The following KCNA4 variants were observed in gnomAD, a reference collection of about 807,000 sequenced individuals.
KCNA4 encodes cardiac potassium channel.
KCNA4 carries 5 observed loss-of-function variants against 37.2 expected under a neutral mutation model. The observed-to-expected ratio is 0.13, with a 90% CI of 0.07 to 0.28. The LOEUF (loss-of-function observed/expected upper bound fraction) is 0.28. Ranked by LOEUF, KCNA4 falls within the 10% of genes least tolerant of loss-of-function variation. The pLI is 1.00. For synonymous variants in KCNA4, 350 were observed against 311.8 expected, an observed-to-expected ratio of 1.12 and a Z score of -1.29; for missense variants, 634 against 817.4, an observed-to-expected ratio of 0.78 and a Z score of 2.74.
chr11:30,013,281 A>G lies in KCNA4; in HGVS notation c.-603T>C, dbSNP rs1276575136. 1 of 167,136 alleles carries G rather than the reference A, an allele frequency of 6.0e-6. No homozygotes were observed. The highest frequency in any genetic ancestry group is 1.5e-5 in the Non-Finnish European group (1 of 68,172). 10.4% of individuals were successfully genotyped at this position (167,136 alleles called of 1,614,324 possible). A position where few individuals can be genotyped will look rare whatever the true frequency, so the allele number is the denominator to read the frequency against. On this transcript the variant is annotated 5_prime_UTR_variant, in exon 2 of 2. The change abolishes an upstream ATG in the 5' untranslated region. Transcript: ENST00000328224. Reference sequence around the variant, plus strand: ...TTCTCCAGGCTCTCCTTTTAAGTTCATCAAAGGCTTCCTGTACCCAGGTAC... The same window carrying G: ...TTCTCCAGGCTCTCCTTTTAAGTTCGTCAAAGGCTTCCTGTACCCAGGTAC...
Position 30,010,743 on chromosome 11 carries a change from C to T in KCNA4, c.1936G>A (p.Ala646Thr). The change falls in exon 2 of 2, where the codon GCA becomes ACA. Residue 646 changes from alanine (A) to threonine (T), a missense_variant. Ala to Thr is a moderately conservative substitution (Grantham distance 58). This residue lies in a region of KCNA4 where 91 missense variants were observed against 95.8 expected (regional missense o/e 0.95). Transcript: ENST00000328224. ...CACACATCAGTCTCCACAGCCTTTGCATTAGAACAGTTGTTTTTATCTGTC... is the reference window on the plus strand; with the variant it reads ...CACACATCAGTCTCCACAGCCTTTGTATTAGAACAGTTGTTTTTATCTGTC... ...SETDKNNCSN[A>T]KAVETDV 6.2e-7 allele frequency: 1 copy of T among 1,611,246 alleles called. No homozygotes were observed. Among genetic ancestry groups the T allele is most frequent in the South Asian group, 1.1e-5 (1 of 90,414 alleles).
At position 30,010,685 on chromosome 11, in the gene KCNA4, T is replaced by C. The variant is rs761914601; in HGVS notation, c.*32A>G. 2 of 1,561,966 alleles carry C rather than the reference T, an allele frequency of 1.3e-6. No homozygotes were observed. The highest frequency in any genetic ancestry group is 1.7e-6 in the Non-Finnish European group (2 of 1,158,176). On this transcript the variant is annotated 3_prime_UTR_variant, in exon 2 of 2. Coordinates refer to ENST00000328224, the MANE Select transcript of KCNA4 (RefSeq NM_002233.4). ...TATGCATAAATATATTTGGAGATGC[T>C]GAGGGGGGAGCAGTGGCAGGTGGAA... is the stretch of plus-strand genomic sequence containing the variant.
Position 30,010,604 on chromosome 11 carries a change from T to C in KCNA4, c.*113A>G. On this transcript the variant is annotated 3_prime_UTR_variant, in exon 2 of 2. Coordinates refer to ENST00000328224, the MANE Select transcript of KCNA4 (RefSeq NM_002233.4). ...TATGCCATGTATAACCATTAAATAG[T>C]GTACTACTGTATGCATTGGATCATT... is the stretch of plus-strand genomic sequence containing the variant. 9 of 1,431,238 alleles carry C rather than the reference T, an allele frequency of 6.3e-6. No homozygotes were observed. The highest frequency in any genetic ancestry group is 8.4e-6 in the Non-Finnish European group (9 of 1,072,384). The allele number at this position is 1,431,238 out of a possible 1,614,324, so 88.7% of individuals were successfully genotyped here.
chr11:30,011,542 A>G lies in KCNA4; in HGVS notation c.1137T>C (p.Ile379=), dbSNP rs757167358. The G allele has an allele frequency of 1.2e-6, 2 of 1,614,154 alleles. No homozygotes were observed. Among genetic ancestry groups the G allele is most frequent in the East Asian group, 2.2e-5 (1 of 44,862 alleles). The change falls in exon 2 of 2, where the codon ATT becomes ATC. Residue 379 remains isoleucine (I), a synonymous_variant. Coordinates refer to ENST00000328224, the MANE Select transcript of KCNA4 (RefSeq NM_002233.4). The surrounding 1 kb of genome is among the most constrained non-coding windows in gnomAD (Gnocchi z 5.6). ...CCACAAACTCAAAGGAAAACCATAC[A>G]ATACAGACTGTTTCCACGATGAAGA... ...DPFFIVETVC[I]VWFSFEFVVR... is the part of the protein sequence containing the mutation.
At chr11:30,015,774 A>G (rs903492398) in intron 1 of KCNA4, among the ~76,000 whole-genome samples, 2 of 152,158 alleles carry the variant, frequency 1.3e-5, no homozygotes, top group Non-Finnish European at 1.5e-5. Flanking sequence ...ATTCAAGCCA[A>G]TTCCCAGGAG....
At position 30,011,541 on chromosome 11, in the gene KCNA4, C is replaced by A. The variant is rs1850303197; in HGVS notation, c.1138G>T (p.Val380Leu). ...ACCACAAACTCAAAGGAAAACCATA[C>A]AATACAGACTGTTTCCACGATGAAG... Reference protein sequence around the residue: ...PFFIVETVCIVWFSFEFVVRC... With the variant: ...PFFIVETVCILWFSFEFVVRC... Residue 380 changes from valine to leucine, a missense_variant, in exon 2 of 2, where the codon GTA becomes TTA. Val to Leu is a conservative substitution (Grantham distance 32). Coordinates refer to ENST00000328224, the MANE Select transcript of KCNA4 (RefSeq NM_002233.4). The surrounding 1 kb of genome is among the most constrained non-coding windows in gnomAD (Gnocchi z 5.6). The A allele has an allele frequency of 6.2e-7, 1 of 1,614,024 alleles. No homozygotes were observed. The highest frequency in any genetic ancestry group is 1.7e-5 in the Admixed American group (1 of 60,002).
Position 30,016,731 on chromosome 11 carries a change from A to C in KCNA4, c.-942T>G, listed in dbSNP as rs1206723734. On this transcript the variant is annotated 5_prime_UTR_variant, in exon 1 of 2. The change creates a new upstream start codon in the 5' untranslated region. Coordinates refer to ENST00000328224, the MANE Select transcript of KCNA4 (RefSeq NM_002233.4). The stretch of plus-strand genomic sequence containing the variant: ...TCGGGTTTGGCAGGTGGAGGCTCCA[A>C]ATATCCACGGAACAAGTTCTGTTGC... 3 of 352,664 alleles carry C rather than the reference A, an allele frequency of 8.5e-6. No homozygotes were observed. The highest frequency in any genetic ancestry group is 2.1e-5 in the African/African-American group (1 of 47,048). The allele number at this position is 352,664 out of a possible 1,614,324, so 21.8% of individuals were successfully genotyped here. A position where few individuals can be genotyped will look rare whatever the true frequency, so the allele number is the denominator to read the frequency against.
chr11:30,012,817 C>T lies in KCNA4; in HGVS notation c.-139G>A. 1.5e-6 allele frequency: 2 copies of T among 1,296,796 alleles called. No homozygotes were observed. The highest frequency in any genetic ancestry group is 1.0e-6 in the Non-Finnish European group (1 of 971,452). 80.3% of individuals were successfully genotyped at this position (1,296,796 alleles called of 1,614,324 possible). A position where few individuals can be genotyped will look rare whatever the true frequency, so the allele number is the denominator to read the frequency against. ...TTGGAAGACTAAGGATATTTTCAGT[C>T]CAACTTTGCATTTTCTGTTTTTAAA... On this transcript the variant is annotated 5_prime_UTR_variant, in exon 2 of 2. It introduces an in-frame stop codon into an upstream open reading frame of the 5' UTR. Transcript: ENST00000328224.
At position 30,011,959 on chromosome 11, in the gene KCNA4, G is replaced by A. The variant is rs915875386; in HGVS notation, c.720C>T (p.Arg240=). Residue 240 remains arginine (R), a synonymous_variant, in exon 2 of 2, where the codon CGC becomes CGT. Coordinates refer to ENST00000328224, the MANE Select transcript of KCNA4 (RefSeq NM_002233.4). The surrounding 1 kb of genome is among the most constrained non-coding windows in gnomAD (Gnocchi z 5.6). The part of the protein sequence containing the change: ...AILYYYQSGG[R]LKRPVNVPFD... ...AGGGGACATTGACTGGCCTCTTCAG[G>A]CGGCCTCCTGATTGATAATAATACA... The A allele has an allele frequency of 1.9e-6, 3 of 1,614,060 alleles. No homozygotes were observed. In the Admixed American group the frequency reaches 5.0e-5, roughly 27 times the overall value.
chr11:30,010,478 C>T lies in KCNA4; in HGVS notation c.*239G>A, dbSNP rs1590488817. On this transcript the variant is annotated 3_prime_UTR_variant, in exon 2 of 2. Transcript: ENST00000328224. ...TCTTTTCCAGTTAATGTGCAAAATT[C>T]TTGCATTCTAATAAAAATATAAAGA... 1 of 595,256 alleles carries T rather than the reference C, an allele frequency of 1.7e-6. No individual in the cohort carries two copies. Among genetic ancestry groups the T allele is most frequent in the East Asian group, 3.2e-5 (1 of 31,612 alleles). 36.9% of individuals were successfully genotyped at this position (595,256 alleles called of 1,614,324 possible). A position where few individuals can be genotyped will look rare whatever the true frequency, so the allele number is the denominator to read the frequency against.
At position 30,012,465 on chromosome 11, in the gene KCNA4, T is replaced by C. The variant is rs1424517118; in HGVS notation, c.214A>G (p.Thr72Ala). 1.2e-6 allele frequency: 2 copies of C among 1,612,002 alleles called. No individual in the cohort carries two copies. The highest frequency in any genetic ancestry group is 1.3e-5 in the African/African-American group (1 of 74,800). The change falls in exon 2 of 2, where the codon ACC becomes GCC. Residue 72 changes from threonine to alanine, a missense_variant. Around this residue, in one of 8 missense-constraint regions of KCNA4, gnomAD observed 236 missense variants for 229.5 expected, o/e 1.03. Transcript: ENST00000328224. ...CGGCTGCTCTGAGGGTCATGGGAGG[T>C]ACAGGCCCCGCGTGACTGGTGGTGG... is the stretch of plus-strand genomic sequence containing the variant. ...HHHHQSRGAC[T>A]SHDPQSSRGS...
chr11:30,011,913 C>T lies in KCNA4; in HGVS notation c.766G>A (p.Val256Met). Residue 256 changes from valine (V) to methionine (M), a missense_variant, in exon 2 of 2, where the codon GTG (valine) becomes ATG (methionine). Val to Met is a conservative substitution (Grantham distance 21). Around this residue, in one of 8 missense-constraint regions of KCNA4, gnomAD observed 252 missense variants for 344.2 expected, o/e 0.73. Coordinates refer to ENST00000328224, the MANE Select transcript of KCNA4 (RefSeq NM_002233.4). The surrounding 1 kb of genome is among the most constrained non-coding windows in gnomAD (Gnocchi z 5.6). The stretch of plus-strand genomic sequence containing the variant: ...TCCTCCCCCAACTGATAGAACTTCA[C>T]CTCCTCAGTGAAGATATCAAAGGGG... ...NVPFDIFTEE[V>M]KFYQLGEEAL... is the part of the protein sequence containing the mutation. 6.2e-7 allele frequency: 1 copy of T among 1,614,164 alleles called. No individual in the cohort carries two copies. The highest frequency in any genetic ancestry group is 1.6e-4 in the Middle Eastern group (1 of 6,062).
Position 30,011,923 on chromosome 11 carries a change from G to A in KCNA4, c.756C>T (p.Phe252=). The A allele has an allele frequency of 6.2e-7, 1 of 1,614,132 alleles. No homozygotes were observed. Among genetic ancestry groups the A allele is most frequent in the Admixed American group, 1.7e-5 (1 of 60,022 alleles). Residue 252 remains phenylalanine, a synonymous_variant, in exon 2 of 2, where the codon TTC becomes TTT. Transcript: ENST00000328224. This position sits in a 1 kb window ranked among gnomAD's most constrained non-coding sequence, Gnocchi z 5.6. ...ACTGATAGAACTTCACCTCCTCAGT[G>A]AAGATATCAAAGGGGACATTGACTG... The part of the protein sequence containing the change: ...KRPVNVPFDI[F]TEEVKFYQLG...
chr11:30,010,934 T>C lies in KCNA4; in HGVS notation c.1745A>G (p.Asn582Ser), dbSNP rs764106894. 4.3e-6 allele frequency: 7 copies of C among 1,614,240 alleles called. No homozygotes were observed. In the South Asian group the frequency reaches 5.5e-5, roughly 13 times the overall value. The change falls in exon 2 of 2, where the codon AAT becomes AGT. Residue 582 changes from asparagine to serine, a missense_variant. By Grantham distance (46) the Asn-to-Ser change is conservative (BLOSUM62 1). Transcript: ENST00000328224. ...ENEEQTQLTQ[N>S]AVSCPYLPSN... ...GGGGAGGTATGGACAACTGACTGCA[T>C]TCTGCGTTAGCTGTGTCTGTTCCTC... is the stretch of plus-strand genomic sequence containing the variant.
rs1449431842 is a variant in KCNA4, at chr11:30,013,332, A to T, written c.-654T>A. The T allele has an allele frequency of 6.0e-6, 1 of 167,116 alleles. No homozygotes were observed. The highest frequency in any genetic ancestry group is 1.5e-5 in the Non-Finnish European group (1 of 68,142). 10.4% of individuals were successfully genotyped at this position (167,116 alleles called of 1,614,324 possible). On this transcript the variant is annotated 5_prime_UTR_variant, in exon 2 of 2. Transcript: ENST00000328224. ...AATGCCAAACCACAGATAGAGGCAA[A>T]GACCCTGGGAGGTAGAGAAGGTGCT...
rs779101828 is a variant in KCNA4, at chr11:30,012,413, C to G, written c.266G>C (p.Arg89Pro). ...SRGSRRRRRQ[R>P]SEKKKAHYRQ... Reference sequence around the variant, plus strand: ...GTAGTGGGCTTTCTTCTTCTCAGACCGCTGTCGCCTCCTCCTCCGACTACC... The same window carrying G: ...GTAGTGGGCTTTCTTCTTCTCAGACGGCTGTCGCCTCCTCCTCCGACTACC... Residue 89 changes from arginine (R) to proline (P), a missense_variant, in exon 2 of 2, where the codon CGG becomes CCG. Coordinates refer to ENST00000328224, the MANE Select transcript of KCNA4 (RefSeq NM_002233.4). 5 of 1,613,790 alleles carry G rather than the reference C, an allele frequency of 3.1e-6. No individual in the cohort carries two copies. Among genetic ancestry groups the G allele is most frequent in the African/African-American group, 1.3e-5 (1 of 74,922 alleles).
Position 30,010,584 on chromosome 11 carries a change from C to T in KCNA4, c.*133G>A. 7.9e-7 allele frequency: 1 copy of T among 1,264,850 alleles called. No homozygotes were observed. The highest frequency in any genetic ancestry group is 1.0e-6 in the Non-Finnish European group (1 of 960,536). The allele number at this position is 1,264,850 out of a possible 1,614,324, so 78.4% of individuals were successfully genotyped here. On this transcript the variant is annotated 3_prime_UTR_variant, in exon 2 of 2. Transcript: ENST00000328224. ...AATACAAGTTTAGTAACAATTATGC[C>T]ATGTATAACCATTAAATAGTGTACT...
At position 30,011,590 on chromosome 11, in the gene KCNA4, C is replaced by T; in HGVS notation, c.1089G>A (p.Gly363=). ...AGAAGGGGTCATTGAATATTGTGTGCCCTGAGTTCTCCAGATGGGGTGCTG... is the reference window on the plus strand; with the variant it reads ...AGAAGGGGTCATTGAATATTGTGTGTCCTGAGTTCTCCAGATGGGGTGCTG... ...DTSAPHLENS[G]HTIFNDPFFI... Residue 363 remains glycine, a synonymous_variant, in exon 2 of 2, where the codon GGG becomes GGA. Transcript: ENST00000328224. This position sits in a 1 kb window ranked among gnomAD's most constrained non-coding sequence, Gnocchi z 5.6. The T allele has an allele frequency of 6.2e-7, 1 of 1,614,074 alleles. No homozygotes were observed. The highest frequency in any genetic ancestry group is 8.5e-7 in the Non-Finnish European group (1 of 1,180,014).
Position 30,011,399 on chromosome 11 carries a change from T to G in KCNA4, c.1280A>C (p.Gln427Pro). The G allele has an allele frequency of 6.2e-7, 1 of 1,614,078 alleles. No homozygotes were observed. The highest frequency in any genetic ancestry group is 8.5e-7 in the Non-Finnish European group (1 of 1,180,020). The stretch of plus-strand genomic sequence containing the variant: ...CTGCTGCTGACCATTGCCACCCCCC[T>G]GTTGCTGGGCCAGGTCAGTGCCCAG... The part of the protein sequence containing the change: ...ITLGTDLAQQ[Q>P]GGGNGQQQQA... Residue 427 changes from glutamine to proline, a missense_variant, in exon 2 of 2, where the codon CAG becomes CCG. Around this residue, in one of 8 missense-constraint regions of KCNA4, gnomAD observed 252 missense variants for 344.2 expected, o/e 0.73. Coordinates refer to ENST00000328224, the MANE Select transcript of KCNA4 (RefSeq NM_002233.4). The surrounding 1 kb of genome is among the most constrained non-coding windows in gnomAD (Gnocchi z 5.6).
Sources: allele counts gnomAD v4.1 joint callset (sites outside exome capture counted in the v4.1 genomes callset), GRCh38; gene constraint gnomAD v4.1.1; regional missense constraint gnomAD v4.1.1; non-coding constraint Gnocchi (gnomAD v3.1); transcripts MANE v1.5; gene names NCBI Gene and HGNC (gene_info 2026-07-23, HGNC 2026-07-21).